Variants in INSYN1 observed in about 807,000 individuals in gnomAD.
The protein encoded by INSYN1 is inhibitory synaptic factor 1.
A neutral mutation model predicts 17.1 loss-of-function variants in INSYN1; 7 were observed. The ratio of observed to expected loss-of-function variants is 0.41; its 90% confidence interval spans 0.23 to 0.77. The LOEUF (loss-of-function observed/expected upper bound fraction) is 0.77. INSYN1 is among the 30% of genes least tolerant of loss of function. The pLI, the probability that INSYN1 is intolerant of heterozygous loss-of-function variation, is 0.32. For synonymous variants in INSYN1, 174 were observed against 166.3 expected, an observed-to-expected ratio of 1.05 and a Z score of -0.36; for missense variants, 339 against 400.6, an observed-to-expected ratio of 0.85 and a Z score of 1.31.
chr15:73,751,355 AG>A lies in INSYN1; in HGVS notation c.-226del, dbSNP rs1901979824. ...CCCAGAGGGAGACAGAGTCTAGCAGAGGGGGTCAAGGTGAGGACACAGGAGA... is the reference window on the plus strand; with the variant it reads ...CCCAGAGGGAGACAGAGTCTAGCAGAGGGGTCAAGGTGAGGACACAGGAGA... On this transcript the variant is annotated 5_prime_UTR_variant, in exon 2 of 3. Coordinates refer to ENST00000569673, the MANE Select transcript of INSYN1 (RefSeq NM_001039614.3). 15 of 563,552 alleles carry A rather than the reference AG, an allele frequency of 2.7e-5. No homozygotes were observed. The South Asian group carries it at 3.0e-4, about 11-fold the overall frequency. The allele number at this position is 563,552 out of a possible 1,614,324, so 34.9% of individuals were successfully genotyped here.
In INSYN1 at chr15:73,736,889, C is replaced by G. The variant is rs561720049; in HGVS notation, c.*3028G>C. 2.7e-4 allele frequency: 18 copies of G among 66,220 alleles called. No individual in the cohort carries two copies. Among genetic ancestry groups the G allele is most frequent in the African/African-American group, 6.6e-4 (17 of 25,892 alleles). 4.1% of individuals were successfully genotyped at this position (66,220 alleles called of 1,614,324 possible). On this transcript the variant is annotated 3_prime_UTR_variant, in exon 3 of 3. Transcript: ENST00000569673. The stretch of plus-strand genomic sequence containing the variant: ...CCAGCCTGGATGATAGAGGGAGACT[C>G]CATCTAAAAAAAAACAAAACAAAAC...
rs557805528 is a variant in INSYN1 at position 73,744,053 on chromosome 15, A to G, written c.157-3411T>C. Among the ~76,000 whole-genome samples, 35 of 152,128 alleles carry G rather than the reference A, an allele frequency of 2.3e-4. No individual in the cohort carries two copies. The South Asian group carries it at 7.3e-3, about 32-fold the overall frequency. On this transcript the variant is annotated intron_variant, in intron 2 of 2. Coordinates refer to ENST00000569673, the MANE Select transcript of INSYN1 (RefSeq NM_001039614.3). ...TCAAAGGAGAATTCTAGTAATACCT[A>G]CTTGATAGGGCTGTTGTGAGGATTT...
At chr15:73,747,784 C>A (rs1041816460) in intron 2 of INSYN1, among the ~76,000 whole-genome samples, 7 of 152,274 alleles carry the variant, frequency 4.6e-5, no homozygotes, top group African/African-American at 1.4e-4. Flanking sequence ...GCTTAGAGAA[C>A]CTGCTGGGAC....
intron 2 of INSYN1, among the ~76,000 whole-genome samples, chr15:73,748,996 T>C (rs1347169880): frequency 6.6e-6 from 1 of 152,156 alleles, no homozygotes; most frequent in Non-Finnish European, 1.5e-5. Flanking sequence ...GGGAGGGGAC[T>C]CATTTTCTCT....
intron 2 of INSYN1, among the ~76,000 whole-genome samples, chr15:73,747,529 T>G (rs1442020488): frequency 6.6e-6 from 1 of 152,224 alleles, no homozygotes; most frequent in African/African-American, 2.4e-5. Context: ...GCTTTATATA[T>G]GTCTCATTTA....
chr15:73,752,970 G>A lies in INSYN1; in HGVS notation c.-1428C>T, dbSNP rs1301273884. ...GAGGAGGCGCGGCGAGGGGAAGGGA[G>A]GGGAGGGGGCGAGCGGCGGGCCGGG... On this transcript the variant is annotated 5_prime_UTR_variant, in exon 1 of 3. Coordinates refer to ENST00000569673, the MANE Select transcript of INSYN1 (RefSeq NM_001039614.3). The surrounding 1 kb of genome is among the most constrained non-coding windows in gnomAD (Gnocchi z 5.2). 2.7e-5 allele frequency among the ~76,000 whole-genome samples: 4 copies of A among 150,338 alleles called. No individual in the cohort carries two copies. The highest frequency in any genetic ancestry group is 2.0e-4 in the East Asian group (1 of 5,070).
chr15:73,750,907 A>G (rs1596040741), intron 2 of INSYN1, 68 bp downstream of exon 2: 1 of 1,556,900 alleles, frequency 6.4e-7, no homozygotes, highest in East Asian at 2.2e-5. Flanking sequence ...ATTTATGAGT[A>G]CGTTTTTGTG....
chr15:73,748,698 C>G (rs994933077), intron 2 of INSYN1, among the ~76,000 whole-genome samples: 2 of 152,340 alleles, frequency 1.3e-5, no homozygotes, highest in South Asian at 2.1e-4. Flanking sequence ...GGCACCCCCC[C>G]TTGGTAACCC....
At chr15:73,741,627 G>A (rs545887234) in intron 2 of INSYN1, among the ~76,000 whole-genome samples, 24 of 152,298 alleles carry the variant, frequency 1.6e-4, no homozygotes, top group Non-Finnish European at 2.6e-4. Flanking sequence ...AAGGGAGAGA[G>A]AAGATTCCAA....
In INSYN1 at chr15:73,738,226, G is replaced by A. The variant is rs1163874729; in HGVS notation, c.*1691C>T. On this transcript the variant is annotated 3_prime_UTR_variant, in exon 3 of 3. Transcript: ENST00000569673. ...CCAGACCCATTATACAGAGGAGGTA[G>A]ATAGGCTCAGAGAGGCAAACGGACT... The A allele has an allele frequency of 1.3e-5, 2 of 152,270 alleles. No homozygotes were observed. The highest frequency in any genetic ancestry group is 4.8e-5 in the African/African-American group (2 of 41,470). 9.4% of individuals were successfully genotyped at this position (152,270 alleles called of 1,614,324 possible).
intron 2 of INSYN1, among the ~76,000 whole-genome samples, chr15:73,749,382 G>A (rs1328088568): frequency 1.3e-5 from 2 of 152,138 alleles, no homozygotes; most frequent in African/African-American, 4.8e-5. Flanking sequence ...TGAAGCTCTG[G>A]GTGGCTATGC....
At chr15:73,743,940 CA>C (rs1248348707) in intron 2 of INSYN1, among the ~76,000 whole-genome samples, 1 of 151,260 alleles carries the variant, frequency 6.6e-6, no homozygotes, top group African/African-American at 2.4e-5. Flanking sequence ...GCTCTGGAGC[CA>C]GACATGGAGT....
intron 1 of INSYN1, among the ~76,000 whole-genome samples, 159 bp from the exon 2 acceptor site, chr15:73,751,856 C>T (rs28485305): frequency 0.36 from 54,566 of 151,418 alleles, 10,363 homozygotes; most frequent in East Asian, 0.58. Flanking sequence ...ACAGCACAGC[C>T]CCTCCTCTAG....
chr15:73,740,685 T>C, intron 2 of INSYN1, 43 bp from the exon 3 acceptor site: 1 of 1,505,742 alleles, frequency 6.6e-7, no homozygotes, highest in Non-Finnish European at 9.1e-7. Flanking sequence ...GCCAGGTGGG[T>C]CCCTGCATCA....
intron 2 of INSYN1, among the ~76,000 whole-genome samples, chr15:73,743,854 A>AAAAAAAAAAAAAAAAAAAAAAAAG (rs1901755534): frequency 6.8e-6 from 1 of 146,070 alleles, no homozygotes; most frequent in Non-Finnish European, 1.5e-5. Flanking sequence ...AAAAAAAAAA[A>AAAAAAAAAAAAAAAAAAAAAAAAG]AAAAGAAAGA....
chr15:73,749,358 C>G (rs148007212), intron 2 of INSYN1, among the ~76,000 whole-genome samples: 13 of 152,148 alleles, frequency 8.5e-5, no homozygotes, highest in African/African-American at 3.1e-4. Flanking sequence ...GTCTGGATTA[C>G]CTATGAGATC....
intron 2 of INSYN1, among the ~76,000 whole-genome samples, chr15:73,743,710 G>A (rs1317629724): frequency 7.3e-5 from 11 of 151,034 alleles, no homozygotes; most frequent in Admixed American, 7.3e-4. Context: ...CGTGCATAGA[G>A]TCCCAGCTAC....
chr15:73,746,759 T>C (rs943446050), intron 2 of INSYN1, among the ~76,000 whole-genome samples: 1 of 152,148 alleles, frequency 6.6e-6, no homozygotes, highest in Non-Finnish European at 1.5e-5. Context: ...AGGATCACTA[T>C]TGAGCCCCCA....
At position 73,740,013 on chromosome 15, in the gene INSYN1, G is replaced by A; in HGVS notation, c.786C>T (p.Val262=). Residue 262 remains valine, a synonymous_variant, in exon 3 of 3, where the codon GTC becomes GTT. Coordinates refer to ENST00000569673, the MANE Select transcript of INSYN1 (RefSeq NM_001039614.3). The part of the protein sequence containing the change: ...STLAPEQTRR[V]TRNSSTQTVS... ...CTGTCTGGGTGCTGCTGTTCCTCGTGACCCTTCGAGTCTGTTCAGGGGCCA... is the reference window on the plus strand; with the variant it reads ...CTGTCTGGGTGCTGCTGTTCCTCGTAACCCTTCGAGTCTGTTCAGGGGCCA... 1 of 1,613,190 alleles carries A rather than the reference G, an allele frequency of 6.2e-7. No homozygotes were observed.
Sources: gnomAD v4.1 joint callset for allele counts (sites outside exome capture counted in the v4.1 genomes callset) on GRCh38, gnomAD v4.1.1 for gene constraint, Gnocchi (gnomAD v3.1) non-coding constraint, MANE v1.5 for transcripts, NCBI Gene and HGNC (gene_info 2026-07-23, HGNC 2026-07-21) for gene names.